The following PCDHA10 variants were observed in gnomAD, a reference collection of about 807,000 sequenced individuals.
The protein encoded by PCDHA10 is protocadherin alpha 10, also known as protocadherin alpha-10.
PCDHA10 carries 45 observed loss-of-function variants against 61.2 expected under a neutral mutation model. That is an observed-to-expected ratio of 0.74 (90% CI 0.58 to 0.94). The LOEUF (loss-of-function observed/expected upper bound fraction) is 0.94, where lower values mean the gene tolerates loss of function less well. Ranked by LOEUF, PCDHA10 falls within the 40% of genes least tolerant of loss-of-function variation. The pLI is 0.00. For missense variants in PCDHA10, 1,278 were observed against 1,236.2 expected (o/e 1.03, Z -0.51); for synonymous variants, 602 against 548.8 (o/e 1.10, Z -1.35).
At chr5:140,927,040 A>G in intron 1 of PCDHA10, 1 of 1,612,350 alleles carries the variant, frequency 6.2e-7, no homozygotes, top group Non-Finnish European at 8.5e-7. Context: ...AGCGGCCGCT[A>G]TGTCCTCGCG....
chr5:140,893,210 G>C (rs2063874103), intron 1 of PCDHA10, among the ~76,000 whole-genome samples: 1 of 152,204 alleles, frequency 6.6e-6, no homozygotes, highest in Non-Finnish European at 1.5e-5. Flanking sequence ...GTAAGTATGG[G>C]AGGTGCAGGT....
At chr5:140,873,489 C>G (rs2054319766) in intron 1 of PCDHA10, among the ~76,000 whole-genome samples, 1 of 152,054 alleles carries the variant, frequency 6.6e-6, no homozygotes, top group Admixed American at 6.6e-5. Context: ...CTGATTTCTG[C>G]AAAGTTGTGT....
intron 1 of PCDHA10, among the ~76,000 whole-genome samples, chr5:140,937,675 G>A (rs2091663642): frequency 6.6e-6 from 1 of 151,688 alleles, no homozygotes; most frequent in Admixed American, 6.6e-5. Flanking sequence ...CACTTTGGGA[G>A]GCTGAGGCAG....
At chr5:140,977,227 A>G (rs149467858) in intron 1 of PCDHA10, among the ~76,000 whole-genome samples, 4 of 152,288 alleles carry the variant, frequency 2.6e-5, no homozygotes, top group African/African-American at 7.2e-5. Context: ...ATGTTACCCA[A>G]TCATAGAAAA....
At position 140,884,782 on chromosome 5, in the gene PCDHA10, A is replaced by T. The variant is rs2060354278; in HGVS notation, c.2388+26346A>T. ...TCTTTACTTTAATTTTAATTTTGCTAGTTGTTATCGAATTTAACAACTCTG... is the reference window on the plus strand; with the variant it reads ...TCTTTACTTTAATTTTAATTTTGCTTGTTGTTATCGAATTTAACAACTCTG... On this transcript the variant is annotated intron_variant, in intron 1 of 3. Coordinates refer to ENST00000307360, the MANE Select transcript of PCDHA10 (RefSeq NM_018901.4). 8 of 1,395,472 alleles carry T rather than the reference A, an allele frequency of 5.7e-6. 1 individual carries two copies. The highest frequency in any genetic ancestry group is 3.3e-5 in the South Asian group (2 of 60,762). 86.4% of individuals were successfully genotyped at this position (1,395,472 alleles called of 1,614,324 possible). A position where few individuals can be genotyped will look rare whatever the true frequency, so the allele number is the denominator to read the frequency against.
At chr5:140,866,296 A>T (rs2049269688) in intron 1 of PCDHA10, 4 of 152,164 alleles carry the variant, frequency 2.6e-5, no homozygotes, top group Admixed American at 2.6e-4. Flanking sequence ...ACAAGTATAG[A>T]TGTTGATATT....
At chr5:140,885,064 A>T (rs2060452937) in intron 1 of PCDHA10, among the ~76,000 whole-genome samples, 1 of 152,162 alleles carries the variant, frequency 6.6e-6, no homozygotes, top group Non-Finnish European at 1.5e-5. Context: ...TACCCACAAG[A>T]TATTATTTTA....
chr5:140,915,626 GTCTCTCTCTCTC>G (rs57920489), intron 1 of PCDHA10, among the ~76,000 whole-genome samples: 39 of 146,434 alleles, frequency 2.7e-4, no homozygotes, highest in African/African-American at 9.6e-4. Context: ...GTCTCTTTCT[GTCTCTCTCTCTC>G]TCTCTCTCTC....
chr5:140,979,303 C>T (rs1048294748), intron 2 of PCDHA10, among the ~76,000 whole-genome samples: 5 of 152,148 alleles, frequency 3.3e-5, no homozygotes, highest in East Asian at 3.8e-4. Context: ...CTCCTTCATC[C>T]CTCTCTACCT....
chr5:140,883,915 G>A, intron 1 of PCDHA10: 1 of 1,613,348 alleles, frequency 6.2e-7, no homozygotes, highest in Non-Finnish European at 8.5e-7. Context: ...GCAGCAACGT[G>A]ACGCTGCAGG....
At chr5:140,991,447 C>T (rs1554252191) in intron 3 of PCDHA10, among the ~76,000 whole-genome samples, 1 of 152,162 alleles carries the variant, frequency 6.6e-6, no homozygotes, top group African/African-American at 2.4e-5. Context: ...TGGCTTAAAA[C>T]AACACAATGT....
chr5:140,857,567 G>C lies in PCDHA10; in HGVS notation c.1519G>C (p.Val507Leu). The change falls in exon 1 of 4, where the codon GTG becomes CTG. Residue 507 changes from valine (V) to leucine (L), a missense_variant. Coordinates refer to ENST00000307360, the MANE Select transcript of PCDHA10 (RefSeq NM_018901.4). ...GGGCGAGCGCTCGCTGTCGAGCTAC[G>C]TGTCGGTGCACGCGGAGAGCGGCAA... ...RLGERSLSSYVSVHAESGKVY... is the reference protein window; with the variant it reads ...RLGERSLSSYLSVHAESGKVY... The C allele has an allele frequency of 6.3e-7, 1 of 1,596,986 alleles. No individual in the cohort carries two copies. Among genetic ancestry groups the C allele is most frequent in the Non-Finnish European group, 8.6e-7 (1 of 1,167,740 alleles).
intron 1 of PCDHA10, among the ~76,000 whole-genome samples, chr5:140,962,103 T>C (rs1401131367): frequency 1.3e-5 from 2 of 152,020 alleles, no homozygotes; most frequent in African/African-American, 4.8e-5. Flanking sequence ...GCCAGGATGG[T>C]CTCGATCTCC....
At chr5:140,928,272 T>TG in intron 1 of PCDHA10, 1 of 1,614,156 alleles carries the variant, frequency 6.2e-7, no homozygotes, top group Admixed American at 1.7e-5. Context: ...ACAATGGCCC[T>TG]GGGGCCTCTC....
intron 1 of PCDHA10, among the ~76,000 whole-genome samples, chr5:140,938,013 A>G (rs1310661606): frequency 6.6e-6 from 1 of 152,220 alleles, no homozygotes; most frequent in Non-Finnish European, 1.5e-5. Flanking sequence ...TTCTTGCTAA[A>G]TAGTAAAATC....
intron 1 of PCDHA10, among the ~76,000 whole-genome samples, chr5:140,952,265 G>A (rs1292970434): frequency 6.6e-6 from 1 of 151,556 alleles, no homozygotes; most frequent in African/African-American, 2.4e-5. Context: ...CCCATTCTGG[G>A]GTCTTGAGGG....
chr5:140,925,935 CTCTTGGAG>C (rs35448813), intron 1 of PCDHA10, among the ~76,000 whole-genome samples: 7,062 of 152,190 alleles, frequency 0.046, 287 homozygotes, highest in African/African-American at 0.11. Context: ...CAAGTAGAGC[CTCTTGGAG>C]AAGGAGAAAC....
chr5:140,940,790 A>G (rs1337945408), intron 1 of PCDHA10, among the ~76,000 whole-genome samples: 3 of 152,176 alleles, frequency 2.0e-5, no homozygotes, highest in African/African-American at 7.2e-5. Context: ...TATCCTGAAA[A>G]TGATATTTGC....
At chr5:140,995,698 G>T (rs963042409) in intron 3 of PCDHA10, among the ~76,000 whole-genome samples, 1 of 152,104 alleles carries the variant, frequency 6.6e-6, no homozygotes, top group African/African-American at 2.4e-5. Context: ...TTAAATAAAG[G>T]GCTGGGCTTG....
Sources: gnomAD v4.1 joint callset for allele counts (sites outside exome capture counted in the v4.1 genomes callset) on GRCh38, gnomAD v4.1.1 for gene constraint, MANE v1.5 for transcripts, NCBI Gene and HGNC (gene_info 2026-07-23, HGNC 2026-07-21) for gene names.